LRBA: variants seen among roughly 807,000 people sequenced by gnomAD.
The protein encoded by LRBA is lipopolysaccharide-responsive and beige-like anchor protein.
A neutral mutation model predicts 330.0 loss-of-function variants in LRBA; 176 were observed. The ratio of observed to expected loss-of-function variants is 0.53; its 90% CI spans 0.47 to 0.60. The LOEUF is 0.60. Among genes scored for constraint, LRBA ranks in the 20% least tolerant of loss-of-function variants. The pLI, the probability that LRBA is intolerant of heterozygous loss-of-function variation, is 0.00. For missense variants in LRBA, 3,259 were observed against 3,444.8 expected, an observed-to-expected ratio of 0.95 and a Z score of 1.35; for synonymous variants, 1,230 against 1,193.0, an observed-to-expected ratio of 1.03 and a Z score of -0.64.
intron 44 of LRBA, among the ~76,000 whole-genome samples, chr4:150,451,832 ATAAACAAATTTTG>A (rs1413635261): frequency 6.6e-6 from 1 of 152,162 alleles, no homozygotes; most frequent in African/African-American, 2.4e-5. Flanking sequence ...CTTAGATGAA[ATAAACAAATTTTG>A]TGAAAGATGC....
chr4:150,867,778 T>C lies in LRBA; in HGVS notation c.2659A>G (p.Thr887Ala), dbSNP rs747861501. The C allele has an allele frequency of 1.2e-6, 2 of 1,613,870 alleles. No individual in the cohort carries two copies. The highest frequency in any genetic ancestry group is 2.2e-5 in the East Asian group (1 of 44,858). ...NPKNSDEQKI[T>A]EMVYAIFRIL... ...CTGAATATGGCGTATACCATTTCTG[T>C]TATCTTTTGCTCATCTGAATTCTTA... Residue 887 changes from threonine to alanine, a missense_variant, in exon 22 of 57, where the codon ACA becomes GCA. Physicochemically the swap from Thr to Ala is moderately conservative, Grantham distance 58. Transcript: ENST00000651943.
intron 37 of LRBA, among the ~76,000 whole-genome samples, chr4:150,627,482 G>A (rs1776974643): frequency 6.6e-6 from 1 of 151,786 alleles, no homozygotes; most frequent in Non-Finnish European, 1.5e-5. Context: ...CTTGAATTTT[G>A]AATTATTTTC....
At chr4:150,783,316 A>AT (rs1738540310) in intron 34 of LRBA, among the ~76,000 whole-genome samples, 1 of 152,194 alleles carries the variant, frequency 6.6e-6, no homozygotes. Context: ...TTCACAAACA[A>AT]TTATAGGATA....
intron 46 of LRBA, among the ~76,000 whole-genome samples, chr4:150,432,140 A>C (rs1256761078): frequency 6.6e-6 from 1 of 152,084 alleles, no homozygotes; most frequent in Non-Finnish European, 1.5e-5. Context: ...TTCTGAAAAA[A>C]TTTAAATCTT....
At chr4:150,356,190 T>C (rs1467832902) in intron 47 of LRBA, among the ~76,000 whole-genome samples, 8 of 152,120 alleles carry the variant, frequency 5.3e-5, no homozygotes, top group Non-Finnish European at 1.2e-4. Context: ...AATCAAAATA[T>C]GCTTTGAATT....
intron 37 of LRBA, among the ~76,000 whole-genome samples, chr4:150,659,851 T>C (rs1581959999): frequency 1.5e-5 from 1 of 67,424 alleles, no homozygotes; most frequent in African/African-American, 5.0e-5. Flanking sequence ...GGGAGGGAGG[T>C]GGGGGGGTCA....
intron 26 of LRBA, among the ~76,000 whole-genome samples, chr4:150,848,160 G>A (rs1309260368): frequency 1.3e-5 from 2 of 151,924 alleles, no homozygotes; most frequent in African/African-American, 2.4e-5. Flanking sequence ...GATTATAAGC[G>A]TGCACCACCA....
Position 150,590,765 on chromosome 4 carries a change from G to C in LRBA, c.6141C>G (p.Gly2047=), listed in dbSNP as rs766543982. The C allele has an allele frequency of 6.2e-7, 1 of 1,613,866 alleles. No individual in the cohort carries two copies. The highest frequency in any genetic ancestry group is 8.5e-7 in the Non-Finnish European group (1 of 1,179,836). The change falls in exon 39 of 57, where the codon GGC becomes GGG. Residue 2047 remains glycine, a synonymous_variant. Transcript: ENST00000651943. ...QNSENEILLE[G]DDDTLSSVDE... is the part of the protein sequence containing the mutation. ...CCACGGATGACAGAGTATCATCATC[G>C]CCTTCCAGGAGGATCTCGTTTTCTG...
In LRBA at chr4:150,579,648, T is replaced by C. The variant is rs1271814455; in HGVS notation, c.6330+8400A>G. On this transcript the variant is annotated intron_variant, in intron 40 of 56. Transcript: ENST00000651943. ...GGATGCGAGAAAACTTAGCCGAGCT[T>C]GACAGAGCCGCCAGTGGAGGTGCAG... is the stretch of plus-strand genomic sequence containing the variant. The C allele has an allele frequency of 8.8e-6, 4 of 456,536 alleles. No homozygotes were observed. The East Asian group carries it at 2.8e-4, about 32-fold the overall frequency. 28.3% of individuals were successfully genotyped at this position (456,536 alleles called of 1,614,324 possible).
At chr4:150,696,762 T>C (rs1345455125) in intron 36 of LRBA, among the ~76,000 whole-genome samples, 2 of 151,502 alleles carry the variant, frequency 1.3e-5, no homozygotes, top group South Asian at 4.2e-4. Flanking sequence ...TCCCAGCACT[T>C]TGGGAGGCGA....
At position 150,810,728 on chromosome 4, in the gene LRBA, A is replaced by G. The variant is rs543936211; in HGVS notation, c.5306-2330T>C. Among the ~76,000 whole-genome samples the G allele has an allele frequency of 7.9e-5, 12 of 152,100 alleles. No homozygotes were observed. In the East Asian group the frequency reaches 9.7e-4, roughly 12 times the overall value. On this transcript the variant is annotated intron_variant, in intron 31 of 56. Coordinates refer to ENST00000651943, the MANE Select transcript of LRBA (RefSeq NM_001364905.1). ...GCCGTCTTCCTGCCTCAGCCTCCCA[A>G]GTAGCTGGGAATATAGGTGGATGCC...
intron 2 of LRBA, among the ~76,000 whole-genome samples, chr4:150,941,378 C>A (rs1735661164): frequency 6.6e-6 from 1 of 151,918 alleles, no homozygotes; most frequent in Non-Finnish European, 1.5e-5. Flanking sequence ...GTCTCAAACT[C>A]CTGACCTTGT....
At chr4:150,399,139 T>C (rs1482768577) in intron 47 of LRBA, among the ~76,000 whole-genome samples, 1 of 152,212 alleles carries the variant, frequency 6.6e-6, no homozygotes, top group Non-Finnish European at 1.5e-5. Context: ...AACTAGAAAT[T>C]ACCTTTACTT....
At chr4:150,895,321 T>A (rs1729944224) in intron 16 of LRBA, among the ~76,000 whole-genome samples, 1 of 152,150 alleles carries the variant, frequency 6.6e-6, no homozygotes, top group African/African-American at 2.4e-5. Context: ...TTAGGGTACA[T>A]GTGCACAATG....
intron 40 of LRBA, among the ~76,000 whole-genome samples, chr4:150,514,893 G>A (rs950965059): frequency 3.3e-5 from 5 of 152,024 alleles, no homozygotes; most frequent in African/African-American, 9.7e-5. Flanking sequence ...AATCTGGGAC[G>A]ACTTGCCTGG....
intron 40 of LRBA, among the ~76,000 whole-genome samples, chr4:150,553,743 C>T (rs1202465098): frequency 2.0e-5 from 3 of 152,074 alleles, no homozygotes; most frequent in African/African-American, 7.2e-5. Context: ...TAAAAATAGA[C>T]ACTAGAGAAA....
Position 150,377,220 on chromosome 4 carries a change from G to A in LRBA, c.7195-27061C>T, listed in dbSNP as rs80292846. Among the ~76,000 whole-genome samples the A allele has an allele frequency of 7.9e-3, 1,197 of 151,526 alleles. 17 individuals carry two copies. The highest frequency in any genetic ancestry group is 0.028 in the African/African-American group (1,138 of 41,318). ...CTTCCCCTAGGAATTCATATCCACAGGTCTGTCCCTTATATAGATTTAGGA... is the reference window on the plus strand; with the variant it reads ...CTTCCCCTAGGAATTCATATCCACAAGTCTGTCCCTTATATAGATTTAGGA... On this transcript the variant is annotated intron_variant, in intron 47 of 56. Coordinates refer to ENST00000651943, the MANE Select transcript of LRBA (RefSeq NM_001364905.1).
At chr4:150,686,909 C>T (rs558919480) in intron 36 of LRBA, among the ~76,000 whole-genome samples, 88 of 152,142 alleles carry the variant, frequency 5.8e-4, no homozygotes, top group African/African-American at 2.0e-3. Context: ...ATTCTAAAAA[C>T]AAGGGCTCAA....
chr4:150,463,775 A>AGGTACTGATATAATTTTTTT (rs1368350383), intron 44 of LRBA, among the ~76,000 whole-genome samples: 2 of 151,920 alleles, frequency 1.3e-5, no homozygotes, highest in East Asian at 3.9e-4. Flanking sequence ...CTACAATAGC[A>AGGTACTGATATAATTTTTTT]TTTTTCTGAT....
Sources: allele counts gnomAD v4.1 joint callset (sites outside exome capture counted in the v4.1 genomes callset), GRCh38; gene constraint gnomAD v4.1.1; transcripts MANE v1.5; gene names NCBI Gene and HGNC (gene_info 2026-07-23, HGNC 2026-07-21).